NEDD4: variants seen among roughly 807,000 people sequenced by gnomAD.
The protein encoded by NEDD4 is E3 ubiquitin-protein ligase NEDD4.
In NEDD4, 99 loss-of-function variants were observed where a neutral mutation model predicts 144.9. That is an observed-to-expected ratio of 0.68 (90% CI 0.58 to 0.81). The LOEUF (loss-of-function observed/expected upper bound fraction) is 0.81. Ranked by LOEUF, NEDD4 falls within the 30% of genes least tolerant of loss-of-function variation. The probability of loss-of-function intolerance (pLI) is 0.00; values close to 1 mark genes in which losing one functional copy is unlikely to be tolerated. For missense variants in NEDD4, 985 were observed against 1,065.9 expected (o/e 0.92, Z 1.06); for synonymous variants, 318 against 350.6 (o/e 0.91, Z 1.04).
At chr15:55,880,094 C>A (rs189047979) in intron 5 of NEDD4, among the ~76,000 whole-genome samples, 5 of 152,188 alleles carry the variant, frequency 3.3e-5, no homozygotes, top group Middle Eastern at 3.4e-3. Flanking sequence ...GAGTTCGAGA[C>A]CAGCCTGACC....
intron 4 of NEDD4, among the ~76,000 whole-genome samples, chr15:55,947,064 T>TA: frequency 6.6e-6 from 1 of 152,196 alleles, no homozygotes; most frequent in African/African-American, 2.4e-5. Flanking sequence ...AGGAAAGATC[T>TA]AAAATTGACA....
intron 5 of NEDD4, among the ~76,000 whole-genome samples, chr15:55,897,576 G>C (rs540895955): frequency 6.6e-6 from 1 of 152,270 alleles, no homozygotes; most frequent in East Asian, 1.9e-4. Context: ...ATAATAGTGA[G>C]GGTCGAATGA....
chr15:55,917,135 C>T, intron 5 of NEDD4: 4 of 1,118,502 alleles, frequency 3.6e-6, no homozygotes, highest in Non-Finnish European at 4.4e-6. Flanking sequence ...CTGCAGCACA[C>T]TGACTCAAAC....
chr15:55,943,038 A>C (rs553471135), intron 4 of NEDD4, among the ~76,000 whole-genome samples: 2 of 152,324 alleles, frequency 1.3e-5, no homozygotes, highest in South Asian at 4.1e-4. Flanking sequence ...AAATCTGTGG[A>C]ACTTTGAACT....
chr15:55,954,257 T>C (rs2037297306), intron 2 of NEDD4, among the ~76,000 whole-genome samples: 1 of 152,150 alleles, frequency 6.6e-6, no homozygotes, highest in Non-Finnish European at 1.5e-5. Flanking sequence ...CTAGTGCTCC[T>C]CATACCACTC....
intron 8 of NEDD4, among the ~76,000 whole-genome samples, chr15:55,867,500 A>C (rs1204042719): frequency 6.6e-6 from 1 of 152,090 alleles, no homozygotes; most frequent in Non-Finnish European, 1.5e-5. Flanking sequence ...ATGCTGTTAA[A>C]TTTTTTCAAG....
At chr15:55,974,891 C>CTTTTTTTTTTTTTTTTTTTT (rs56285555) in intron 1 of NEDD4, among the ~76,000 whole-genome samples, 2,114 of 75,570 alleles carry the variant, frequency 0.028, 254 homozygotes, top group Non-Finnish European at 0.031. Flanking sequence ...CTTTTCCTTT[C>CTTTTTTTTTTTTTTTTTTTT]TTTTTTTTTT....
intron 18 of NEDD4, among the ~76,000 whole-genome samples, chr15:55,845,761 G>A (rs2033712496): frequency 6.6e-6 from 1 of 150,634 alleles, no homozygotes; most frequent in African/African-American, 2.4e-5. Flanking sequence ...AATTTCCAGG[G>A]AAATTTCGAC....
intron 4 of NEDD4, among the ~76,000 whole-genome samples, chr15:55,939,337 C>T (rs1202725837): frequency 6.6e-6 from 1 of 152,170 alleles, no homozygotes; most frequent in East Asian, 1.9e-4. Flanking sequence ...TTCACTTTCT[C>T]TTCTGTCTCC....
At chr15:55,849,396 T>TGTAGAGACGGG (rs1471892506) in intron 14 of NEDD4, among the ~76,000 whole-genome samples, 3 of 152,074 alleles carry the variant, frequency 2.0e-5, no homozygotes, top group Admixed American at 1.3e-4. Context: ...AGCTAATTTT[T>TGTAGAGACGGG]GTATATTTAA....
rs1388170358 is a variant in NEDD4, at chr15:55,856,162, T to C, written c.995A>G (p.Tyr332Cys). The C allele has an allele frequency of 6.2e-7, 1 of 1,612,990 alleles. No homozygotes were observed. Among genetic ancestry groups the C allele is most frequent in the Non-Finnish European group, 8.5e-7 (1 of 1,179,640 alleles). Reference sequence around the variant, plus strand: ...AAGTGTAGGTTGTTCCTCAAAAGTATAGGCTTGTAAGCTGCCTCTTCTGCT... The same window carrying C: ...AAGTGTAGGTTGTTCCTCAAAAGTACAGGCTTGTAAGCTGCCTCTTCTGCT... ...HSSRRGSLQA[Y>C]TFEEQPTLPV... is the part of the protein sequence containing the mutation. The change falls in exon 12 of 29, where the codon TAT becomes TGT. Residue 332 changes from tyrosine (Y) to cysteine (C), a missense_variant. Tyr to Cys is a radical substitution (Grantham distance 194). Transcript: ENST00000435532.
chr15:55,883,916 G>C (rs1455988370), intron 5 of NEDD4, among the ~76,000 whole-genome samples: 1 of 143,720 alleles, frequency 7.0e-6, no homozygotes, highest in South Asian at 2.2e-4. Context: ...GTCTCACCCT[G>C]TTGCCCAGGC....
rs1483100902 is a variant in NEDD4, at chr15:55,940,486, TCTC to T, written c.237+10887_237+10889del. Among the ~76,000 whole-genome samples the T allele has an allele frequency of 7.0e-5, 10 of 143,568 alleles. 1 individual carries two copies. In the East Asian group the frequency reaches 2.3e-3, roughly 33 times the overall value. The allele number at this position is 143,568 out of a possible 152,430, so 94.2% of individuals were successfully genotyped here. On this transcript the variant is annotated intron_variant, in intron 4 of 28. Coordinates refer to ENST00000435532, the MANE Select transcript of NEDD4 (RefSeq NM_006154.4). ...TAATTCCAAAGTAGTCCTTCCTCCC[TCTC>T]TCCCTCCTTCCTCCTTCCCTCCTCC... is the stretch of plus-strand genomic sequence containing the variant.
In NEDD4 at chr15:55,829,653, C is replaced by G; in HGVS notation, c.*244G>C. ...AACTCTAAAGCCAGGTGTGGTGGTGCCTGGCTTTAGGCAGGCACCTAACTC... is the reference window on the plus strand; with the variant it reads ...AACTCTAAAGCCAGGTGTGGTGGTGGCTGGCTTTAGGCAGGCACCTAACTC... On this transcript the variant is annotated 3_prime_UTR_variant, in exon 29 of 29. Coordinates refer to ENST00000435532, the MANE Select transcript of NEDD4 (RefSeq NM_006154.4). The G allele has an allele frequency of 8.1e-6, 3 of 368,344 alleles. No homozygotes were observed. Among genetic ancestry groups the G allele is most frequent in the Admixed American group, 4.5e-5 (1 of 22,456 alleles). 22.8% of individuals were successfully genotyped at this position (368,344 alleles called of 1,614,324 possible).
At chr15:55,845,480 C>T (rs1162607715) in intron 18 of NEDD4, among the ~76,000 whole-genome samples, 1 of 152,000 alleles carries the variant, frequency 6.6e-6, no homozygotes, top group Non-Finnish European at 1.5e-5. Context: ...AAGAAGAACG[C>T]CTGGTATGCA....
intron 1 of NEDD4, among the ~76,000 whole-genome samples, chr15:55,973,295 T>C (rs866959428): frequency 1.3e-5 from 2 of 152,192 alleles, no homozygotes; most frequent in East Asian, 1.9e-4. Flanking sequence ...TTCCAACACT[T>C]TGGGACGCCA....
chr15:55,852,329 G>T, intron 13 of NEDD4, 95 bp downstream of exon 13: 2 of 1,268,628 alleles, frequency 1.6e-6, no homozygotes, highest in Non-Finnish European at 2.1e-6. Context: ...GGTGGTAGAA[G>T]TATCCAGTGT....
At chr15:55,951,776 T>C (rs2037245287) in intron 2 of NEDD4, among the ~76,000 whole-genome samples, 187 bp from the exon 3 acceptor site, 1 of 152,064 alleles carries the variant, frequency 6.6e-6, no homozygotes, top group Non-Finnish European at 1.5e-5. Flanking sequence ...GTTAAAAACC[T>C]GAAGTACCAT....
intron 2 of NEDD4, among the ~76,000 whole-genome samples, chr15:55,955,683 C>CT (rs568026891): frequency 5.5e-4 from 82 of 148,484 alleles, no homozygotes; most frequent in African/African-American, 1.6e-3. Context: ...ATATACATTT[C>CT]TTTTTTTTTT....
Sources: allele counts gnomAD v4.1 joint callset (sites outside exome capture counted in the v4.1 genomes callset), GRCh38; gene constraint gnomAD v4.1.1; transcripts MANE v1.5; gene names NCBI Gene and HGNC (gene_info 2026-07-23, HGNC 2026-07-21).